Variants in WARS2 observed in about 807,000 individuals in gnomAD.
WARS2 encodes tryptophanyl tRNA synthetase 2, mitochondrial.
A neutral mutation model predicts 36.5 loss-of-function variants in WARS2; 28 were observed. That is an observed-to-expected ratio of 0.77 (90% confidence interval 0.57 to 1.05). The LOEUF is 1.05. Ranked by LOEUF, WARS2 falls within the 50% of genes least tolerant of loss-of-function variation. The pLI is 0.00. For synonymous variants in WARS2, 174 were observed against 178.4 expected (o/e 0.98, Z 0.20); for missense variants, 435 against 456.8 (o/e 0.95, Z 0.44).
At chr1:119,107,634 A>G (rs1453027881) in intron 1 of WARS2, among the ~76,000 whole-genome samples, 1 of 151,634 alleles carries the variant, frequency 6.6e-6, no homozygotes, top group Non-Finnish European at 1.5e-5. Flanking sequence ...CTCTCTCTAG[A>G]TGAATGCACT....
chr1:119,113,613 A>G (rs1049235286), intron 1 of WARS2, among the ~76,000 whole-genome samples: 2 of 152,124 alleles, frequency 1.3e-5, no homozygotes, highest in Non-Finnish European at 2.9e-5. Flanking sequence ...GATCAAGGAG[A>G]TGACTGAAGA....
intron 1 of WARS2, among the ~76,000 whole-genome samples, chr1:119,129,190 C>A (rs1655910301): frequency 6.6e-6 from 1 of 152,104 alleles, no homozygotes; most frequent in Admixed American, 6.6e-5. Context: ...GGAGGTGCGG[C>A]TTTTGGGAGG....
intron 1 of WARS2, chr1:119,139,935 AT>A (rs1182891567): frequency 6.6e-6 from 1 of 152,122 alleles, no homozygotes; most frequent in African/African-American, 2.4e-5. Context: ...GTACGACGAG[AT>A]TAATGGTAAC....
rs587726099 is a variant in WARS2, at chr1:119,132,422, T to C, written c.90+8133A>G. Among the ~76,000 whole-genome samples, 21 of 152,306 alleles carry C rather than the reference T, an allele frequency of 1.4e-4. No individual in the cohort carries two copies. In the South Asian group the frequency reaches 4.1e-3, roughly 30 times the overall value. ...GGACTGGCAAGAGTTCCACACAGTCTGGTCCTTTACATCTCCCTTGGGACT... is the reference window on the plus strand; with the variant it reads ...GGACTGGCAAGAGTTCCACACAGTCCGGTCCTTTACATCTCCCTTGGGACT... On this transcript the variant is annotated intron_variant, in intron 1 of 5. Coordinates refer to ENST00000235521, the MANE Select transcript of WARS2 (RefSeq NM_015836.4).
intron 1 of WARS2, among the ~76,000 whole-genome samples, chr1:119,108,078 C>T (rs1463462789): frequency 2.0e-5 from 3 of 151,904 alleles, no homozygotes; most frequent in African/African-American, 7.2e-5. Flanking sequence ...ATTCACTTTG[C>T]TAGTATTTTG....
chr1:119,071,055 C>G (rs907311982), intron 2 of WARS2, among the ~76,000 whole-genome samples: 1 of 151,948 alleles, frequency 6.6e-6, no homozygotes. Context: ...TGGTGGCAGG[C>G]GCCTGTAATC....
chr1:119,068,807 C>T (rs1288570418), intron 2 of WARS2, among the ~76,000 whole-genome samples: 2 of 150,700 alleles, frequency 1.3e-5, no homozygotes, highest in Non-Finnish European at 2.9e-5. Flanking sequence ...CTTCCCACGA[C>T]GTGTCCCTCT....
chr1:119,055,430 T>G (rs1294090149), intron 2 of WARS2, among the ~76,000 whole-genome samples: 1 of 152,004 alleles, frequency 6.6e-6, no homozygotes, highest in East Asian at 1.9e-4. Context: ...CTGGCCAACA[T>G]GGCAAAACCC....
chr1:119,136,094 T>TA (rs1656488891), intron 1 of WARS2, among the ~76,000 whole-genome samples: 1 of 152,072 alleles, frequency 6.6e-6, no homozygotes, highest in Non-Finnish European at 1.5e-5. Flanking sequence ...AATAAATAAA[T>TA]AAATAAATTT....
At chr1:119,046,302 TTTTTTTTAAG>T (rs1028984590) in intron 2 of WARS2, among the ~76,000 whole-genome samples, 2 of 148,594 alleles carry the variant, frequency 1.3e-5, no homozygotes, top group African/African-American at 5.0e-5. Flanking sequence ...TTTTTTTTTT[TTTTTTTTAAG>T]AAGAAGTCTA....
chr1:119,078,700 CTG>C (rs1297600415), intron 1 of WARS2, among the ~76,000 whole-genome samples: 2 of 152,164 alleles, frequency 1.3e-5, no homozygotes, highest in East Asian at 3.9e-4. Context: ...ATTTCAGAAT[CTG>C]TACATATTCT....
At chr1:119,042,577 T>G (rs142319057) in intron 3 of WARS2, among the ~76,000 whole-genome samples, 1 of 152,212 alleles carries the variant, frequency 6.6e-6, no homozygotes, top group East Asian at 1.9e-4. Flanking sequence ...TCACTGCCCC[T>G]TTAAGGGATC....
At chr1:119,130,575 AC>A (rs1256312077) in intron 1 of WARS2, among the ~76,000 whole-genome samples, 1 of 152,238 alleles carries the variant, frequency 6.6e-6, no homozygotes, top group Non-Finnish European at 1.5e-5. Flanking sequence ...TAATAAGATC[AC>A]TTATTAACTG....
chr1:119,105,775 G>A (rs1654194030), intron 1 of WARS2, among the ~76,000 whole-genome samples: 1 of 152,154 alleles, frequency 6.6e-6, no homozygotes, highest in Admixed American at 6.5e-5. Context: ...AGCCGGTGTG[G>A]TAATGCGCGC....
intron 1 of WARS2, among the ~76,000 whole-genome samples, chr1:119,101,015 T>C (rs995046886): frequency 6.6e-6 from 1 of 152,044 alleles, no homozygotes; most frequent in Non-Finnish European, 1.5e-5. Flanking sequence ...TTTGATCATA[T>C]GGAAGTAAAG....
At chr1:119,091,398 C>G (rs142616381) in intron 1 of WARS2, among the ~76,000 whole-genome samples, 1 of 152,216 alleles carries the variant, frequency 6.6e-6, no homozygotes, top group African/African-American at 2.4e-5. Context: ...TGGTCCATAC[C>G]TAGTAAATAG....
At chr1:119,133,094 C>T (rs914883304) in intron 1 of WARS2, among the ~76,000 whole-genome samples, 2 of 152,182 alleles carry the variant, frequency 1.3e-5, no homozygotes, top group African/African-American at 4.8e-5. Context: ...GCAGGTTGCC[C>T]TTTTAGCTAT....
At chr1:119,057,788 G>GAGAAGAAAAAA (rs1299339431) in intron 2 of WARS2, among the ~76,000 whole-genome samples, 5 of 150,528 alleles carry the variant, frequency 3.3e-5, no homozygotes, top group African/African-American at 1.2e-4. Context: ...GACTCCATCT[G>GAGAAGAAAAAA]AGAAGAAAAA....
chr1:119,085,927 T>C, intron 1 of WARS2: 1 of 1,610,530 alleles, frequency 6.2e-7, no homozygotes, highest in South Asian at 1.1e-5. Context: ...AGCTCATTGA[T>C]CAGCTTCACC....
Sources: allele counts gnomAD v4.1 joint callset (sites outside exome capture counted in the v4.1 genomes callset), GRCh38; gene constraint gnomAD v4.1.1; transcripts MANE v1.5; gene names NCBI Gene and HGNC (gene_info 2026-07-23, HGNC 2026-07-21).